Variants in ADGRL1 observed in about 807,000 individuals in gnomAD.
ADGRL1 encodes the protein adhesion G protein-coupled receptor L1.
A neutral mutation model predicts 148.9 loss-of-function variants in ADGRL1; 31 were observed. That is an observed-to-expected ratio of 0.21 (90% CI 0.16 to 0.28). ADGRL1 has a LOEUF of 0.28. ADGRL1 is among the 10% of genes least tolerant of loss of function. ADGRL1 has a pLI of 1.00. For synonymous variants in ADGRL1, 937 were observed against 900.3 expected (o/e 1.04, Z -0.73); for missense variants, 1,521 against 2,058.8 (o/e 0.74, Z 5.05).
intron 1 of ADGRL1, among the ~76,000 whole-genome samples, chr19:14,205,098 GGA>G (rs1198461781): frequency 6.6e-6 from 1 of 152,062 alleles, no homozygotes; most frequent in East Asian, 1.9e-4. Flanking sequence ...GGGGTGCACT[GGA>G]GAGATACCTG....
chr19:14,189,397 C>G (rs1971791569), intron 1 of ADGRL1, among the ~76,000 whole-genome samples: 1 of 152,054 alleles, frequency 6.6e-6, no homozygotes, highest in South Asian at 2.1e-4. Flanking sequence ...TCCTGGCTAA[C>G]TTTTGTATTT....
Position 14,184,626 on chromosome 19 carries a change from A to ATTTT in ADGRL1, c.-95-930_-95-929insAAAA, listed in dbSNP as rs1971450426. Among the ~76,000 whole-genome samples, 2 of 88,796 alleles carry ATTTT rather than the reference A, an allele frequency of 2.3e-5. 1 individual carries two copies. The highest frequency in any genetic ancestry group is 2.2e-4 in the Admixed American group (2 of 8,896). 58.3% of individuals were successfully genotyped at this position (88,796 alleles called of 152,430 possible). On this transcript the variant is annotated intron_variant, in intron 1 of 22. Transcript: ENST00000361434. ...TTTTATTTTATTTATTTATTTATTT[A>ATTTT]TTTATTTATTTATTTATTTATTTTT...
chr19:14,171,698 T>G (rs1440314027), intron 3 of ADGRL1, among the ~76,000 whole-genome samples: 1 of 152,176 alleles, frequency 6.6e-6, no homozygotes, highest in Non-Finnish European at 1.5e-5. Flanking sequence ...CTGTGCAGAC[T>G]TATAGCCAGG....
rs1969297790 is a variant in ADGRL1 at position 14,160,918 on chromosome 19, C to T, written c.1511-222G>A. Among the ~76,000 whole-genome samples, 1 of 152,156 alleles carries T rather than the reference C, an allele frequency of 6.6e-6. No homozygotes were observed. Among genetic ancestry groups the T allele is most frequent in the African/African-American group, 2.4e-5 (1 of 41,434 alleles). On this transcript the variant is annotated intron_variant, in intron 6 of 22. Coordinates refer to ENST00000361434, the MANE Select transcript of ADGRL1 (RefSeq NM_014921.5). This position sits in a 1 kb window ranked among gnomAD's most constrained non-coding sequence, Gnocchi z 5.9. Reference sequence around the variant, plus strand: ...TCCTGCCCCCTTCTGTCTTTGCCTCCAGAGTTAGAACCTTCCAGCAAGGCC... The same window carrying T: ...TCCTGCCCCCTTCTGTCTTTGCCTCTAGAGTTAGAACCTTCCAGCAAGGCC...
Position 14,159,047 on chromosome 19 carries a change from GT to G in ADGRL1, c.2149+42del. ...GCTGGCACAGAGCTGGGGGGTGGGG[GT>G]GGGGCTGCTTCCCCACCCGAGGCCC... is the stretch of plus-strand genomic sequence containing the variant. On this transcript the variant is annotated intron_variant, in intron 11 of 22. Coordinates refer to ENST00000361434, the MANE Select transcript of ADGRL1 (RefSeq NM_014921.5). The surrounding 1 kb of genome is among the most constrained non-coding windows in gnomAD (Gnocchi z 6.0). The G allele has an allele frequency of 6.2e-7, 1 of 1,609,392 alleles. No individual in the cohort carries two copies. Among genetic ancestry groups the G allele is most frequent in the Non-Finnish European group, 8.5e-7 (1 of 1,178,446 alleles).
rs1471302043 is a variant in ADGRL1 at position 14,184,231 on chromosome 19, C to T, written c.-95-534G>A. On this transcript the variant is annotated intron_variant, in intron 1 of 22. Transcript: ENST00000361434. Reference sequence around the variant, plus strand: ...GGCGCCACAGATCGGGAACCAGGGACGCCCGAGTCCCCTCTTTCCTCTCTG... The same window carrying T: ...GGCGCCACAGATCGGGAACCAGGGATGCCCGAGTCCCCTCTTTCCTCTCTG... Among the ~76,000 whole-genome samples, 5 of 152,094 alleles carry T rather than the reference C, an allele frequency of 3.3e-5. No individual in the cohort carries two copies. In the East Asian group the frequency reaches 5.8e-4, roughly 18 times the overall value.
chr19:14,175,998 G>A (rs1299069839), intron 3 of ADGRL1, among the ~76,000 whole-genome samples: 2 of 151,430 alleles, frequency 1.3e-5, no homozygotes, highest in Non-Finnish European at 2.9e-5. Flanking sequence ...AGGTTGCAAT[G>A]AGCTGAGATC....
At chr19:14,167,384 G>A (rs1421289134) in intron 4 of ADGRL1, among the ~76,000 whole-genome samples, 1 of 151,834 alleles carries the variant, frequency 6.6e-6, no homozygotes, top group Non-Finnish European at 1.5e-5. Context: ...CACCCTTGGT[G>A]CAAGGCGGGG....
At chr19:14,167,831 C>A (rs966172832) in intron 4 of ADGRL1, among the ~76,000 whole-genome samples, 5 of 152,092 alleles carry the variant, frequency 3.3e-5, no homozygotes. Context: ...CTCCCAGGCT[C>A]CCCAGGGGCA....
In ADGRL1 at chr19:14,160,901, C is replaced by G. The variant is rs1969295284; in HGVS notation, c.1511-205G>C. Among the ~76,000 whole-genome samples the G allele has an allele frequency of 6.6e-6, 1 of 152,176 alleles. No homozygotes were observed. Among genetic ancestry groups the G allele is most frequent in the Admixed American group, 6.5e-5 (1 of 15,282 alleles). On this transcript the variant is annotated intron_variant, in intron 6 of 22. Coordinates refer to ENST00000361434, the MANE Select transcript of ADGRL1 (RefSeq NM_014921.5). The surrounding 1 kb of genome is among the most constrained non-coding windows in gnomAD (Gnocchi z 5.9). ...TTCCCCTGAGCTCTCCCTCCTGCCC[C>G]CTTCTGTCTTTGCCTCCAGAGTTAG...
chr19:14,152,269 C>T lies in ADGRL1; in HGVS notation c.3649+40G>A, dbSNP rs755816574. The T allele has an allele frequency of 5.6e-6, 9 of 1,609,296 alleles. No individual in the cohort carries two copies. The South Asian group carries it at 8.8e-5, about 16-fold the overall frequency. ...GCAGAGGTCCCTTGGGACACAAACC[C>T]TCCATTTCCCAACCTGGGATGTTTC... is the stretch of plus-strand genomic sequence containing the variant. On this transcript the variant is annotated intron_variant, in intron 21 of 22. Transcript: ENST00000361434. This position sits in a 1 kb window ranked among gnomAD's most constrained non-coding sequence, Gnocchi z 6.1.
chr19:14,197,743 C>T (rs1319442214), intron 1 of ADGRL1, among the ~76,000 whole-genome samples: 7 of 152,202 alleles, frequency 4.6e-5, no homozygotes, highest in South Asian at 2.1e-4. Context: ...TCCCCACCAT[C>T]GAGGGACTCT....
intron 3 of ADGRL1, among the ~76,000 whole-genome samples, chr19:14,172,309 C>A (rs903032027): frequency 2.6e-5 from 4 of 152,146 alleles, no homozygotes; most frequent in African/African-American, 9.7e-5. Context: ...GTAATCCCAG[C>A]TACACAGGAG....
chr19:14,158,212 C>A, intron 12 of ADGRL1, 126 bp downstream of exon 12: 1 of 1,251,758 alleles, frequency 8.0e-7, no homozygotes, highest in South Asian at 1.4e-5. Flanking sequence ...GACAAATGGC[C>A]CAAGCTCTAA....
At position 14,159,645 on chromosome 19, in the gene ADGRL1, G is replaced by A. The variant is rs1568577883; in HGVS notation, c.1840-61C>T. ...CAACACCCTCTAATTCCTGGGGGTGGGCTCTGCATGCCCTCTTCTCAACCT... is the reference window on the plus strand; with the variant it reads ...CAACACCCTCTAATTCCTGGGGGTGAGCTCTGCATGCCCTCTTCTCAACCT... On this transcript the variant is annotated intron_variant, in intron 9 of 22. Coordinates refer to ENST00000361434, the MANE Select transcript of ADGRL1 (RefSeq NM_014921.5). The surrounding 1 kb of genome is among the most constrained non-coding windows in gnomAD (Gnocchi z 6.0). The A allele has an allele frequency of 1.3e-6, 2 of 1,586,718 alleles. No homozygotes were observed. The highest frequency in any genetic ancestry group is 1.7e-6 in the Non-Finnish European group (2 of 1,157,412).
intron 1 of ADGRL1, among the ~76,000 whole-genome samples, chr19:14,205,020 G>A (rs1358090458): frequency 6.6e-6 from 1 of 152,122 alleles, no homozygotes; most frequent in Non-Finnish European, 1.5e-5. Flanking sequence ...GGGGCAGTGT[G>A]AGGACCCGGA....
chr19:14,168,233 T>A (rs1218537865), intron 4 of ADGRL1, among the ~76,000 whole-genome samples: 1 of 151,910 alleles, frequency 6.6e-6, no homozygotes. Flanking sequence ...AGGGGCAGCC[T>A]CTGCCTCCCT....
Position 14,159,739 on chromosome 19 carries a change from A to G in ADGRL1, c.1835T>C (p.Ile612Thr). 1 of 1,613,794 alleles carries G rather than the reference A, an allele frequency of 6.2e-7. No individual in the cohort carries two copies. The highest frequency in any genetic ancestry group is 8.5e-7 in the Non-Finnish European group (1 of 1,179,824). Residue 612 changes from isoleucine to threonine, a missense_variant, in exon 9 of 23, where the codon ATC (isoleucine) becomes ACC (threonine). Transcript: ENST00000361434. The surrounding 1 kb of genome is among the most constrained non-coding windows in gnomAD (Gnocchi z 6.0). ...HKRERTCKDYIKAVVETVDNL... is the reference protein window; with the variant it reads ...HKRERTCKDYTKAVVETVDNL... ...CTGGGACCCCCTGGGTCTCACCTTGATATAATCCTTACAAGTTCTCTCTCG... is the reference window on the plus strand; with the variant it reads ...CTGGGACCCCCTGGGTCTCACCTTGGTATAATCCTTACAAGTTCTCTCTCG...
intron 1 of ADGRL1, among the ~76,000 whole-genome samples, chr19:14,185,873 T>C (rs1468082970): frequency 6.6e-6 from 1 of 152,244 alleles, no homozygotes; most frequent in Non-Finnish European, 1.5e-5. Context: ...ACAGCAGGCC[T>C]TGCCCCAGGG....
Sources: gnomAD v4.1 joint callset for allele counts (sites outside exome capture counted in the v4.1 genomes callset) on GRCh38, gnomAD v4.1.1 for gene constraint, Gnocchi (gnomAD v3.1) non-coding constraint, MANE v1.5 for transcripts, NCBI Gene and HGNC (gene_info 2026-07-23, HGNC 2026-07-21) for gene names.